Variants in KCTD13 observed in about 807,000 individuals in gnomAD.
KCTD13 encodes the protein potassium channel tetramerization domain containing 13, also known as BTB/POZ domain-containing adapter for CUL3-mediated RhoA degradation protein 1.
Under a neutral mutation model 32.3 loss-of-function variants are expected in KCTD13, and 15 were observed. The ratio of observed to expected loss-of-function variants is 0.46; its 90% CI spans 0.31 to 0.71. KCTD13 has a LOEUF of 0.71. Among genes scored for constraint, KCTD13 ranks in the 30% least tolerant of loss-of-function variants. The probability of loss-of-function intolerance (pLI) is 0.05; values close to 1 mark genes in which losing one functional copy is unlikely to be tolerated. For missense variants in KCTD13, 337 were observed against 452.6 expected (o/e 0.74, Z 2.32); for synonymous variants, 189 against 200.1 (o/e 0.94, Z 0.47).
At chr16:29,923,807 T>C (rs922178981) in intron 1 of KCTD13, among the ~76,000 whole-genome samples, 1 of 151,062 alleles carries the variant, frequency 6.6e-6, no homozygotes, top group Admixed American at 6.6e-5. Context: ...TGAGCCGAGA[T>C]CGCGCCATTG....
At position 29,911,960 on chromosome 16, in the gene KCTD13, C is replaced by G; in HGVS notation, c.504G>C (p.Lys168Asn). The G allele has an allele frequency of 6.2e-7, 1 of 1,611,302 alleles. No individual in the cohort carries two copies. Residue 168 changes from lysine (K) to asparagine (N), a missense_variant and splice_region_variant, in exon 3 of 6, where the codon AAG becomes AAC. Coordinates refer to ENST00000568000, the MANE Select transcript of KCTD13 (RefSeq NM_178863.5). The part of the protein sequence containing the change: ...EEQQLLASTS[K>N]PVVKLLHNRS... ...ACCCTGCAGGGCTTGGGGGCCTCAC[C>G]TTGGAGGTGCTGGCCAGGAGCTGCT...
intron 2 of KCTD13, 190 bp from the exon 3 acceptor site, chr16:29,912,239 C>A: frequency 1.6e-6 from 1 of 616,642 alleles, no homozygotes; most frequent in African/African-American, 1.9e-5. Flanking sequence ...CCACGGACAC[C>A]TTGCTGCTTC....
intron 5 of KCTD13, among the ~76,000 whole-genome samples, chr16:29,907,651 G>C (rs2068636359): frequency 6.6e-6 from 1 of 152,112 alleles, no homozygotes; most frequent in South Asian, 2.1e-4. Context: ...AGCTAGGTGT[G>C]GTGGCCCACA....
chr16:29,919,148 TG>T (rs1349391419), intron 2 of KCTD13, among the ~76,000 whole-genome samples: 2 of 152,158 alleles, frequency 1.3e-5, no homozygotes, highest in Admixed American at 6.5e-5. Flanking sequence ...AGGATAAGGC[TG>T]GGTAATAAAC....
rs970964740 is a variant in KCTD13, at chr16:29,906,795, C to G, written c.*77G>C. The G allele has an allele frequency of 1.5e-6, 2 of 1,337,908 alleles. No individual in the cohort carries two copies. Among genetic ancestry groups the G allele is most frequent in the African/African-American group, 2.9e-5 (2 of 69,546 alleles). 82.9% of individuals were successfully genotyped at this position (1,337,908 alleles called of 1,614,324 possible). On this transcript the variant is annotated 3_prime_UTR_variant, in exon 6 of 6. Coordinates refer to ENST00000568000, the MANE Select transcript of KCTD13 (RefSeq NM_178863.5). ...CACGACTTGGCCAGCAGAGCCGGGG[C>G]AAAAGTCTGGGAAGGGGAGGGAAAG...
At chr16:29,920,967 G>A (rs1262606581) in intron 2 of KCTD13, 1 of 152,154 alleles carries the variant, frequency 6.6e-6, no homozygotes, top group Non-Finnish European at 1.5e-5. Flanking sequence ...TGTAGGGGCA[G>A]GAACTGGAAG....
intron 1 of KCTD13, among the ~76,000 whole-genome samples, chr16:29,924,844 G>C (rs2068969709): frequency 6.6e-6 from 1 of 150,886 alleles, no homozygotes; most frequent in African/African-American, 2.4e-5. Context: ...TCAGCCTCCC[G>C]AGTAGCTGGG....
intron 5 of KCTD13, among the ~76,000 whole-genome samples, chr16:29,908,364 GTTTT>G (rs1009433465): frequency 2.0e-5 from 3 of 152,004 alleles, no homozygotes; most frequent in African/African-American, 4.8e-5. Context: ...TTAGCAAACT[GTTTT>G]TTTAATTTTT....
Position 29,910,852 on chromosome 16 carries a change from C to T in KCTD13, c.753+126G>A, listed in dbSNP as rs558550605. ...GGGTGGCTTGCCCACTGTTGTGCAC[C>T]CCAGACCCCAGGATCTGGCTCCTGC... On this transcript the variant is annotated intron_variant, in intron 5 of 5. Coordinates refer to ENST00000568000, the MANE Select transcript of KCTD13 (RefSeq NM_178863.5). 4.9e-6 allele frequency: 4 copies of T among 812,936 alleles called. No individual in the cohort carries two copies. The South Asian group carries it at 7.0e-5, about 14-fold the overall frequency. The allele number at this position is 812,936 out of a possible 1,614,324, so 50.4% of individuals were successfully genotyped here. A position where few individuals can be genotyped will look rare whatever the true frequency, so the allele number is the denominator to read the frequency against.
intron 2 of KCTD13, chr16:29,913,097 T>C (rs1358669687): frequency 1.3e-5 from 2 of 150,578 alleles, no homozygotes; most frequent in Admixed American, 6.6e-5. Flanking sequence ...CAGAGAATAA[T>C]AAAAGTCTAC....
intron 5 of KCTD13, among the ~76,000 whole-genome samples, chr16:29,910,369 G>A (rs2068685729): frequency 6.6e-6 from 1 of 151,966 alleles, no homozygotes. Context: ...CTGCACTACA[G>A]CCTGGTGACA....
At chr16:29,913,477 T>C in intron 2 of KCTD13, 1 of 152,226 alleles carries the variant, frequency 6.6e-6, no homozygotes, top group South Asian at 2.1e-4. Flanking sequence ...TATCTATCAC[T>C]GTGTAACAAA....
At position 29,916,816 on chromosome 16, in the gene KCTD13, G is replaced by C. The variant is rs566788959; in HGVS notation, c.415-4767C>G. The stretch of plus-strand genomic sequence containing the variant: ...AGAATCTGTCATGAAGCTGCAGTCT[G>C]GATTTTGGCTAGGGCTGCAGTCATC... On this transcript the variant is annotated intron_variant, in intron 2 of 5. Transcript: ENST00000568000. 2.4e-4 allele frequency among the ~76,000 whole-genome samples: 37 copies of C among 152,332 alleles called. 1 individual carries two copies. The East Asian group carries it at 6.9e-3, about 29-fold the overall frequency.
At position 29,906,972 on chromosome 16, in the gene KCTD13, T is replaced by C. The variant is rs369496433; in HGVS notation, c.890A>G (p.Asp297Gly). The C allele has an allele frequency of 6.2e-7, 1 of 1,613,974 alleles. No individual in the cohort carries two copies. Among genetic ancestry groups the C allele is most frequent in the Non-Finnish European group, 8.5e-7 (1 of 1,180,020 alleles). ...GACACGGTGCTCTCGGTTCTCTTCA[T>C]CCTCCCCGCGGCCAGCCCCACCAGC... ...AGAGGAGRGE[D>G]EENREHRVRR... Residue 297 changes from aspartate (D) to glycine (G), a missense_variant, in exon 6 of 6, where the codon GAT (aspartate) becomes GGT (glycine). By Grantham distance (94) the Asp-to-Gly change is moderately conservative. Transcript: ENST00000568000.
chr16:29,908,015 C>G (rs1323582291), intron 5 of KCTD13, among the ~76,000 whole-genome samples: 2 of 150,948 alleles, frequency 1.3e-5, no homozygotes, highest in East Asian at 3.9e-4. Flanking sequence ...GAAAGAGATA[C>G]ATCAGGAAAA....
chr16:29,912,613 T>C (rs965320662), intron 2 of KCTD13, among the ~76,000 whole-genome samples: 2 of 152,188 alleles, frequency 1.3e-5, no homozygotes, highest in African/African-American at 2.4e-5. Context: ...GCTAATTTTG[T>C]ATTTTTAGTA....
At position 29,926,120 on chromosome 16, in the gene KCTD13, T is replaced by G. The variant is rs2068994155; in HGVS notation, c.-87A>C. The G allele has an allele frequency of 5.7e-6, 8 of 1,391,770 alleles. No individual in the cohort carries two copies. In the South Asian group the frequency reaches 1.2e-4, roughly 21 times the overall value. The allele number at this position is 1,391,770 out of a possible 1,614,324, so 86.2% of individuals were successfully genotyped here. On this transcript the variant is annotated 5_prime_UTR_variant, in exon 1 of 6. Coordinates refer to ENST00000568000, the MANE Select transcript of KCTD13 (RefSeq NM_178863.5). Reference sequence around the variant, plus strand: ...AAGACCCTCGGCCGGCCCCCAGCCCTTGGGCCAGACCGCTCGGCGCACACG... The same window carrying G: ...AAGACCCTCGGCCGGCCCCCAGCCCGTGGGCCAGACCGCTCGGCGCACACG...
chr16:29,916,634 C>G (rs1288017374), intron 2 of KCTD13, among the ~76,000 whole-genome samples: 1 of 152,036 alleles, frequency 6.6e-6, no homozygotes, highest in African/African-American at 2.4e-5. Context: ...GAGGCCAAGG[C>G]TGGAGGACTG....
rs189634903 is a variant in KCTD13 at position 29,916,453 on chromosome 16, C to T, written c.415-4404G>A. On this transcript the variant is annotated intron_variant, in intron 2 of 5. Transcript: ENST00000568000. ...CCTCAAAGTCCTTCCAGCTTCTTCC[C>T]ACTTCTCAGTTGTAAAGTTACTTCT... Among the ~76,000 whole-genome samples, 13 of 152,320 alleles carry T rather than the reference C, an allele frequency of 8.5e-5. No individual in the cohort carries two copies. In the East Asian group the frequency reaches 2.5e-3, roughly 29 times the overall value.
Sources: gnomAD v4.1 joint callset for allele counts (sites outside exome capture counted in the v4.1 genomes callset) on GRCh38, gnomAD v4.1.1 for gene constraint, MANE v1.5 for transcripts, NCBI Gene and HGNC (gene_info 2026-07-23, HGNC 2026-07-21) for gene names.